The following DCHS2 variants were observed in gnomAD, a reference collection of about 807,000 sequenced individuals.
DCHS2 encodes the protein protocadherin-23.
DCHS2 carries 142 observed loss-of-function variants against 182.4 expected under a neutral mutation model. The ratio of observed to expected loss-of-function variants is 0.78; its 90% CI spans 0.68 to 0.89. The LOEUF is 0.89. Ranked by LOEUF, DCHS2 falls within the 40% of genes least tolerant of loss-of-function variation. The pLI, the probability that DCHS2 is intolerant of heterozygous loss-of-function variation, is 0.00. For synonymous variants in DCHS2, 1,740 were observed against 1,663.3 expected, an observed-to-expected ratio of 1.05 and a Z score of -1.12; for missense variants, 4,319 against 4,198.6, an observed-to-expected ratio of 1.03 and a Z score of -0.79.
chr4:154,287,150 A>G (rs1734441378), intron 13 of DCHS2, among the ~76,000 whole-genome samples: 1 of 152,192 alleles, frequency 6.6e-6, no homozygotes, highest in South Asian at 2.1e-4. Context: ...ACTTTTCCAT[A>G]CAAACAAAAG....
At chr4:154,403,242 A>G (rs1471857042) in intron 1 of DCHS2, among the ~76,000 whole-genome samples, 1 of 152,162 alleles carries the variant, frequency 6.6e-6, no homozygotes, top group African/African-American at 2.4e-5. Context: ...TCTTTTTCCT[A>G]ATCTTAGGAG....
Position 154,307,440 on chromosome 4 carries a change from C to T in DCHS2, c.5261-2209G>A, listed in dbSNP as rs892821323. 1.6e-3 allele frequency among the ~76,000 whole-genome samples: 55 copies of T among 33,494 alleles called. No individual in the cohort carries two copies. In the East Asian group the frequency reaches 0.034, roughly 21 times the overall value. 22.0% of individuals were successfully genotyped at this position (33,494 alleles called of 152,430 possible). On this transcript the variant is annotated intron_variant, in intron 10 of 19. Transcript: ENST00000357232. ...ATACACACATACACAGATGTGCGCG[C>T]GCACACACACACACACACACACACA...
chr4:154,301,990 T>C (rs1446883616), intron 12 of DCHS2, among the ~76,000 whole-genome samples: 1 of 152,234 alleles, frequency 6.6e-6, no homozygotes, highest in Non-Finnish European at 1.5e-5. Context: ...AACAATCTAA[T>C]ATAATTTTCA....
rs553684983 is a variant in DCHS2, at chr4:154,422,942, C to A, written c.2053-45498G>T. Among the ~76,000 whole-genome samples, 10 of 152,310 alleles carry A rather than the reference C, an allele frequency of 6.6e-5. No individual in the cohort carries two copies. In the South Asian group the frequency reaches 2.1e-3, roughly 32 times the overall value. On this transcript the variant is annotated intron_variant, in intron 1 of 19. Transcript: ENST00000357232. The stretch of plus-strand genomic sequence containing the variant: ...AGGCGTGAAGTCTCCATTGTACACA[C>A]TCAGAGCACCCAAGACTCCTCCTCC...
intron 1 of DCHS2, among the ~76,000 whole-genome samples, chr4:154,463,269 C>A (rs1348806754): frequency 3.3e-5 from 5 of 151,890 alleles, no homozygotes; most frequent in African/African-American, 1.2e-4. Context: ...CAGAATATAT[C>A]AGCACATTTT....
rs532882765 is a variant in DCHS2 at position 154,288,241 on chromosome 4, A to C, written c.6463+9610T>G. Reference sequence around the variant, plus strand: ...ATAAAGAGCTGGAAAAAGATACTCCATGCAAATGGAAACAAAAAAGAGAAA... The same window carrying C: ...ATAAAGAGCTGGAAAAAGATACTCCCTGCAAATGGAAACAAAAAAGAGAAA... On this transcript the variant is annotated intron_variant, in intron 13 of 19. Coordinates refer to ENST00000357232, the MANE Select transcript of DCHS2 (RefSeq NM_001358235.2). Among the ~76,000 whole-genome samples, 9 of 152,290 alleles carry C rather than the reference A, an allele frequency of 5.9e-5. No homozygotes were observed. The South Asian group carries it at 1.0e-3, about 18-fold the overall frequency.
At chr4:154,273,565 T>C (rs1007333357) in intron 13 of DCHS2, among the ~76,000 whole-genome samples, 1 of 152,042 alleles carries the variant, frequency 6.6e-6, no homozygotes, top group Non-Finnish European at 1.5e-5. Context: ...AAGTTATTCA[T>C]GTAACCAAAG....
At position 154,235,863 on chromosome 4, in the gene DCHS2, T is replaced by C. The variant is rs61743677; in HGVS notation, c.8789A>G (p.Lys2930Arg). 56,445 of 1,614,038 alleles carry C rather than the reference T, an allele frequency of 0.035. 3,304 individuals carry two copies. Among genetic ancestry groups the C allele is most frequent in the Admixed American group, 0.27 (15,960 of 59,994 alleles). Residue 2930 changes from lysine (K) to arginine (R), a missense_variant, in exon 20 of 20, where the codon AAA becomes AGA. Physicochemically the swap from Lys to Arg is conservative, Grantham distance 26. Coordinates refer to ENST00000357232, the MANE Select transcript of DCHS2 (RefSeq NM_001358235.2). ...AATCAAATAAATATTTCCATTGGTT[T>C]TATTTACTGAAAAGAAAGGAGATGA... ...GTSSPFFSVNKTNGNIYLIRA... is the reference protein window; with the variant it reads ...GTSSPFFSVNRTNGNIYLIRA...
At chr4:154,286,510 GAAGT>G (rs948641817) in intron 13 of DCHS2, among the ~76,000 whole-genome samples, 8 of 151,916 alleles carry the variant, frequency 5.3e-5, no homozygotes, top group African/African-American at 1.7e-4. Context: ...CAAAGAGATT[GAAGT>G]AATTGAAAAA....
chr4:154,258,524 CCCA>C (rs1159835765), intron 15 of DCHS2, among the ~76,000 whole-genome samples: 2 of 151,756 alleles, frequency 1.3e-5, no homozygotes, highest in Non-Finnish European at 2.9e-5. Context: ...ACTACAGGTG[CCCA>C]CCACCACACC....
chr4:154,490,489 C>T lies in DCHS2; in HGVS notation c.867G>A (p.Glu289=), dbSNP rs1270920348. 6 of 1,536,742 alleles carry T rather than the reference C, an allele frequency of 3.9e-6. No homozygotes were observed. In the African/African-American group the frequency reaches 8.2e-5, roughly 21 times the overall value. ...GCTCAAAGACCGGCGGGTTGTCGTT[C>T]TCATCCAGCACGCGCAGCTCCACGC... The part of the protein sequence containing the change: ...LLSVELRVLD[E]NDNPPVFEQD... The change falls in exon 1 of 20, where the codon GAG becomes GAA. Residue 289 remains glutamate (E), a synonymous_variant. Transcript: ENST00000357232.
intron 1 of DCHS2, among the ~76,000 whole-genome samples, chr4:154,400,584 C>T (rs1276676105): frequency 1.3e-5 from 2 of 152,198 alleles, no homozygotes; most frequent in Admixed American, 6.5e-5. Context: ...GCAATAGGAA[C>T]CTACTCTGAA....
chr4:154,236,929 C>A lies in DCHS2; in HGVS notation c.7723G>T (p.Asp2575Tyr). ...GSTLVTFSNI[D>Y]HDWTRENTYV... The stretch of plus-strand genomic sequence containing the variant: ...GTGTTTTCACGGGTCCAGTCATGGT[C>A]GATGTTTGAAAATGTAACAAGCGTG... The change falls in exon 20 of 20, where the codon GAC becomes TAC. Residue 2575 changes from aspartate (D) to tyrosine (Y), a missense_variant. Asp to Tyr is a radical substitution (Grantham distance 160). Transcript: ENST00000357232. 6.2e-7 allele frequency: 1 copy of A among 1,613,962 alleles called. No homozygotes were observed. Among genetic ancestry groups the A allele is most frequent in the Non-Finnish European group, 8.5e-7 (1 of 1,179,926 alleles).
chr4:154,396,307 A>G (rs975053793), intron 1 of DCHS2, among the ~76,000 whole-genome samples: 2 of 152,036 alleles, frequency 1.3e-5, no homozygotes, highest in African/African-American at 2.4e-5. Flanking sequence ...GGGTGGGGGA[A>G]GAAGGAAGGA....
chr4:154,327,716 T>C (rs1413891772), intron 7 of DCHS2, among the ~76,000 whole-genome samples: 5 of 152,146 alleles, frequency 3.3e-5, no homozygotes, highest in African/African-American at 1.2e-4. Flanking sequence ...GTATTCAGTC[T>C]TCATAAAGAT....
intron 1 of DCHS2, among the ~76,000 whole-genome samples, chr4:154,439,247 G>T (rs1280647031): frequency 1.3e-5 from 2 of 152,100 alleles, no homozygotes; most frequent in African/African-American, 4.8e-5. Context: ...TATTTTTGTA[G>T]GTGAGATTTA....
intron 10 of DCHS2, among the ~76,000 whole-genome samples, chr4:154,306,359 C>A (rs777455852): frequency 6.6e-6 from 1 of 151,918 alleles, no homozygotes; most frequent in Non-Finnish European, 1.5e-5. Context: ...TTAGGCATTA[C>A]GTATATTATT....
intron 3 of DCHS2, chr4:154,357,397 C>G (rs146644005): frequency 1.0e-6 from 1 of 964,368 alleles, no homozygotes; most frequent in East Asian, 2.4e-5. Context: ...AGCTATAAGT[C>G]TGCCTTTCTT....
intron 12 of DCHS2, 78 bp from the exon 13 acceptor site, chr4:154,298,786 T>C: frequency 6.8e-7 from 1 of 1,478,928 alleles, no homozygotes; most frequent in Non-Finnish European, 9.0e-7. Flanking sequence ...ATGGTATTCA[T>C]TTATACATTC....
Sources: allele counts gnomAD v4.1 joint callset (sites outside exome capture counted in the v4.1 genomes callset), GRCh38; gene constraint gnomAD v4.1.1; transcripts MANE v1.5; gene names NCBI Gene and HGNC (gene_info 2026-07-23, HGNC 2026-07-21).